Variants in MB21D2 observed in about 807,000 individuals in gnomAD.
MB21D2 encodes Mab-21 domain containing 2.
A neutral mutation model predicts 33.3 loss-of-function variants in MB21D2; 9 were observed. That is an observed-to-expected ratio of 0.27 (90% CI 0.16 to 0.47). The LOEUF (loss-of-function observed/expected upper bound fraction) is 0.47. Among genes scored for constraint, MB21D2 ranks in the 20% least tolerant of loss-of-function variants. MB21D2 has a pLI of 0.99. For synonymous variants in MB21D2, 241 were observed against 236.3 expected (o/e 1.02, Z -0.18); for missense variants, 540 against 624.6 (o/e 0.86, Z 1.44).
intron 1 of MB21D2, among the ~76,000 whole-genome samples, chr3:192,904,970 G>A (rs1485649201): frequency 1.3e-5 from 2 of 152,188 alleles, no homozygotes; most frequent in African/African-American, 2.4e-5. Context: ...TATGCCCGTA[G>A]GATTGTGTTG....
intron 1 of MB21D2, among the ~76,000 whole-genome samples, chr3:192,885,524 T>G (rs908354345): frequency 9.9e-5 from 15 of 151,162 alleles, no homozygotes; most frequent in African/African-American, 3.7e-4. Flanking sequence ...AAGTGGGGAG[T>G]TTTCCTACAG....
chr3:192,913,317 G>A (rs1560259827), intron 1 of MB21D2, among the ~76,000 whole-genome samples: 1 of 152,070 alleles, frequency 6.6e-6, no homozygotes, highest in Non-Finnish European at 1.5e-5. Flanking sequence ...GGATCACTTG[G>A]AGCCCAGGAA....
chr3:192,828,061 T>C (rs1712215500), intron 1 of MB21D2, among the ~76,000 whole-genome samples: 1 of 152,100 alleles, frequency 6.6e-6, no homozygotes, highest in Non-Finnish European at 1.5e-5. Context: ...ATATAAGACA[T>C]ATCTTTTGCC....
At chr3:192,812,340 C>T (rs1577169209) in intron 1 of MB21D2, among the ~76,000 whole-genome samples, 1 of 151,720 alleles carries the variant, frequency 6.6e-6, no homozygotes, top group South Asian at 2.1e-4. Context: ...CCGGCCTGTA[C>T]TTTTTTTAGT....
intron 1 of MB21D2, among the ~76,000 whole-genome samples, chr3:192,805,468 AT>A (rs929071411): frequency 6.6e-6 from 1 of 152,162 alleles, no homozygotes; most frequent in Non-Finnish European, 1.5e-5. Context: ...ATATAATTTT[AT>A]TTTTTTAGAA....
intron 1 of MB21D2, among the ~76,000 whole-genome samples, chr3:192,889,244 A>G (rs557226998): frequency 6.6e-6 from 1 of 152,166 alleles, no homozygotes; most frequent in Admixed American, 6.5e-5. Flanking sequence ...CTCTATTAAG[A>G]TGGTTTTGGG....
intron 1 of MB21D2, among the ~76,000 whole-genome samples, chr3:192,890,160 G>A (rs1039424428): frequency 6.6e-6 from 1 of 152,038 alleles, no homozygotes; most frequent in African/African-American, 2.4e-5. Flanking sequence ...ATAAATAGTG[G>A]AGCATGTCCC....
chr3:192,897,859 G>A (rs1714011375), intron 1 of MB21D2, among the ~76,000 whole-genome samples: 1 of 152,124 alleles, frequency 6.6e-6, no homozygotes, highest in African/African-American at 2.4e-5. Context: ...GAGAGGGCAT[G>A]TAGTCCCAGC....
At chr3:192,820,029 A>G (rs1166602890) in intron 1 of MB21D2, among the ~76,000 whole-genome samples, 1 of 152,192 alleles carries the variant, frequency 6.6e-6, no homozygotes, top group Non-Finnish European at 1.5e-5. Flanking sequence ...GCTACCAAGT[A>G]AGTTGGGTGG....
At chr3:192,881,635 A>C (rs752433933) in intron 1 of MB21D2, among the ~76,000 whole-genome samples, 44 of 152,258 alleles carry the variant, frequency 2.9e-4, no homozygotes, top group Admixed American at 8.5e-4. Flanking sequence ...CAGAAGCTGC[A>C]GAAGCTTATG....
intron 1 of MB21D2, among the ~76,000 whole-genome samples, chr3:192,817,635 ATGTT>A (rs1711956315): frequency 6.6e-6 from 1 of 152,112 alleles, no homozygotes; most frequent in Non-Finnish European, 1.5e-5. Flanking sequence ...TGTCCTTAAA[ATGTT>A]TGTGGTGTAG....
chr3:192,830,298 G>C (rs1020829102), intron 1 of MB21D2, among the ~76,000 whole-genome samples: 2 of 151,708 alleles, frequency 1.3e-5, no homozygotes, highest in Non-Finnish European at 2.9e-5. Context: ...GGAGAAAAAA[G>C]ATGAGGATCC....
chr3:192,855,104 CT>C (rs144754351), intron 1 of MB21D2, among the ~76,000 whole-genome samples: 2 of 151,382 alleles, frequency 1.3e-5, no homozygotes, highest in African/African-American at 4.9e-5. Context: ...AGCAATAATT[CT>C]TTTTTTTTCC....
At chr3:192,859,891 T>C (rs1713001589) in intron 1 of MB21D2, among the ~76,000 whole-genome samples, 5 of 152,154 alleles carry the variant, frequency 3.3e-5, no homozygotes, top group African/African-American at 9.7e-5. Flanking sequence ...GTGGGGGAAG[T>C]GTGGGGCTGG....
chr3:192,893,969 G>A (rs1335082213), intron 1 of MB21D2, among the ~76,000 whole-genome samples: 11 of 152,140 alleles, frequency 7.2e-5, no homozygotes, highest in Non-Finnish European at 1.0e-4. Flanking sequence ...CCAGGAGTTA[G>A]AGGCTGCCTG....
intron 1 of MB21D2, among the ~76,000 whole-genome samples, chr3:192,829,197 A>C (rs1402516505): frequency 6.6e-6 from 1 of 152,196 alleles, no homozygotes; most frequent in Non-Finnish European, 1.5e-5. Flanking sequence ...TTCACTTAGC[A>C]TGATGCTTTT....
At chr3:192,895,777 G>A (rs762901538) in intron 1 of MB21D2, among the ~76,000 whole-genome samples, 10 of 151,816 alleles carry the variant, frequency 6.6e-5, no homozygotes, top group Non-Finnish European at 1.0e-4. Context: ...GTGTTGTCCC[G>A]GCTGGAGTGC....
At chr3:192,828,840 G>A (rs1252789079) in intron 1 of MB21D2, among the ~76,000 whole-genome samples, 5 of 150,646 alleles carry the variant, frequency 3.3e-5, no homozygotes, top group South Asian at 2.1e-4. Context: ...TTGTAGAGAC[G>A]GGGTTTCACC....
intron 1 of MB21D2, among the ~76,000 whole-genome samples, chr3:192,891,722 A>G (rs934197549): frequency 4.6e-5 from 7 of 152,136 alleles, no homozygotes; most frequent in African/African-American, 9.7e-5. Flanking sequence ...GACCTCTGGT[A>G]AACTACTTAA....
Sources: gnomAD v4.1 joint callset for allele counts (sites outside exome capture counted in the v4.1 genomes callset) on GRCh38, gnomAD v4.1.1 for gene constraint, MANE v1.5 for transcripts, NCBI Gene and HGNC (gene_info 2026-07-23, HGNC 2026-07-21) for gene names.